The following DSCAM variants were observed in gnomAD, a reference collection of about 807,000 sequenced individuals.
DSCAM encodes cell adhesion molecule DSCAM.
DSCAM carries 47 observed loss-of-function variants against 217.7 expected under a neutral mutation model. The ratio of observed to expected loss-of-function variants is 0.22; its 90% CI spans 0.17 to 0.28. The LOEUF (loss-of-function observed/expected upper bound fraction) is 0.28. DSCAM is among the 10% of genes least tolerant of loss of function. The pLI is 1.00. For synonymous variants in DSCAM, 1,056 were observed against 1,015.3 expected (o/e 1.04, Z -0.76); for missense variants, 2,080 against 2,618.3 (o/e 0.79, Z 4.49).
At chr21:40,138,381 TGTGTGATGTGTG>T (rs1252180415) in intron 18 of DSCAM, among the ~76,000 whole-genome samples, 1 of 150,216 alleles carries the variant, frequency 6.7e-6, no homozygotes, top group African/African-American at 2.5e-5. Flanking sequence ...TTACATGTGT[TGTGTGATGTGTG>T]GTGTGGTGAG....
chr21:40,760,295 C>T (rs2091320197), intron 1 of DSCAM, among the ~76,000 whole-genome samples: 1 of 152,152 alleles, frequency 6.6e-6, no homozygotes, highest in Non-Finnish European at 1.5e-5. Context: ...GGATTAAAGG[C>T]AGGAGCCACT....
At chr21:40,311,937 T>C (rs2074142488) in intron 9 of DSCAM, 144 bp downstream of exon 9, 1 of 224,974 alleles carries the variant, frequency 4.4e-6, no homozygotes. Context: ...AGTCGTATTT[T>C]TTTTTTTTTT....
intron 15 of DSCAM, among the ~76,000 whole-genome samples, chr21:40,175,213 G>A (rs1253767172): frequency 1.3e-5 from 2 of 152,118 alleles, no homozygotes; most frequent in Non-Finnish European, 2.9e-5. Flanking sequence ...GGGTTCAAGC[G>A]ATTCTCCTGT....
At chr21:40,550,092 T>C (rs1276056746) in intron 3 of DSCAM, among the ~76,000 whole-genome samples, 11 of 152,144 alleles carry the variant, frequency 7.2e-5, no homozygotes, top group Non-Finnish European at 2.9e-5. Flanking sequence ...ATGTCCGATA[T>C]CACCCAGCTA....
At chr21:40,617,521 C>A (rs940739599) in intron 3 of DSCAM, among the ~76,000 whole-genome samples, 1 of 152,228 alleles carries the variant, frequency 6.6e-6, no homozygotes, top group Non-Finnish European at 1.5e-5. Context: ...GAGCAGGACA[C>A]TGGAGATCCA....
intron 3 of DSCAM, among the ~76,000 whole-genome samples, chr21:40,456,190 T>C (rs1016194881): frequency 6.6e-6 from 1 of 151,946 alleles, no homozygotes; most frequent in African/African-American, 2.4e-5. Flanking sequence ...ATGAAAATGA[T>C]CACAATGCCC....
At chr21:40,525,009 CAA>C (rs58427418) in intron 3 of DSCAM, among the ~76,000 whole-genome samples, 1,082 of 56,032 alleles carry the variant, frequency 0.019, 8 homozygotes, top group African/African-American at 0.06. Flanking sequence ...GACTCAGTCT[CAA>C]AAAAAAAAAA....
At chr21:40,660,410 T>C (rs946810514) in intron 3 of DSCAM, among the ~76,000 whole-genome samples, 1 of 152,170 alleles carries the variant, frequency 6.6e-6, no homozygotes, top group Non-Finnish European at 1.5e-5. Context: ...AAATTTATAT[T>C]GTAACAACAA....
chr21:40,843,120 G>T (rs965437848), intron 1 of DSCAM, among the ~76,000 whole-genome samples: 8 of 152,088 alleles, frequency 5.3e-5, no homozygotes, highest in Non-Finnish European at 1.2e-4. Flanking sequence ...AAGTCCTTAA[G>T]GTGCATTTGT....
intron 1 of DSCAM, among the ~76,000 whole-genome samples, chr21:40,734,614 G>A (rs2091044702): frequency 6.6e-6 from 1 of 152,142 alleles, no homozygotes; most frequent in Non-Finnish European, 1.5e-5. Flanking sequence ...AAATCCAATT[G>A]TCGGAGAGGT....
chr21:40,594,816 G>A (rs2077009186), intron 3 of DSCAM, among the ~76,000 whole-genome samples: 1 of 152,166 alleles, frequency 6.6e-6, no homozygotes. Flanking sequence ...CTCAGGGGAG[G>A]GGAGGCTGAT....
intron 26 of DSCAM, 47 bp from the exon 27 acceptor site, chr21:40,075,260 T>C (rs767321367): frequency 5.6e-6 from 9 of 1,601,468 alleles, no homozygotes; most frequent in Non-Finnish European, 7.7e-6. Flanking sequence ...GAAGACGGCA[T>C]GGCGGAGCTT....
chr21:40,637,099 C>T (rs1277807945), intron 3 of DSCAM, among the ~76,000 whole-genome samples: 1 of 93,696 alleles, frequency 1.1e-5, no homozygotes, highest in Non-Finnish European at 2.0e-5. Flanking sequence ...GAAGGAGGCC[C>T]TTCTCATTCA....
intron 3 of DSCAM, among the ~76,000 whole-genome samples, chr21:40,597,342 T>C (rs1038685112): frequency 1.5e-4 from 23 of 150,504 alleles, no homozygotes; most frequent in Admixed American, 9.2e-4. Context: ...TGGGAAAATA[T>C]CTTCTTCAAA....
intron 19 of DSCAM, among the ~76,000 whole-genome samples, chr21:40,130,492 T>C (rs2146683312): frequency 6.6e-6 from 1 of 152,330 alleles, no homozygotes; most frequent in African/African-American, 2.4e-5. Flanking sequence ...ATGATATCCA[T>C]GGCCCTGAGA....
intron 3 of DSCAM, among the ~76,000 whole-genome samples, chr21:40,479,890 G>A (rs561751074): frequency 6.6e-6 from 1 of 152,304 alleles, no homozygotes; most frequent in East Asian, 1.9e-4. Context: ...TCAGACATAT[G>A]TGTGTGTACA....
chr21:40,078,693 C>G lies in DSCAM; in HGVS notation c.4705G>C (p.Asp1569His), dbSNP rs774126336. 6.2e-7 allele frequency: 1 copy of G among 1,612,840 alleles called. No individual in the cohort carries two copies. The highest frequency in any genetic ancestry group is 1.7e-5 in the Admixed American group (1 of 59,992). ...ACAAAGCCAGCCAGCTTACTGCCAT[C>G]GTAGTTCAGCGTAGCGAAGTTGGCC... ...KQANFATLNY[D>H]GSTIPPLIKS... Residue 1569 changes from aspartate (D) to histidine (H), a missense_variant, in exon 26 of 33, where the codon GAT becomes CAT. Coordinates refer to ENST00000400454, the MANE Select transcript of DSCAM (RefSeq NM_001389.5).
intron 10 of DSCAM, among the ~76,000 whole-genome samples, chr21:40,281,361 A>T (rs551764617): frequency 6.6e-6 from 1 of 152,330 alleles, no homozygotes; most frequent in South Asian, 2.1e-4. Flanking sequence ...TAATTATTTA[A>T]TAATTTTAAG....
intron 3 of DSCAM, among the ~76,000 whole-genome samples, chr21:40,508,558 G>A (rs1003681763): frequency 1.3e-5 from 2 of 151,218 alleles, no homozygotes; most frequent in African/African-American, 2.4e-5. Context: ...TAGTATTGCT[G>A]TTGTTGTTAT....
Sources: gnomAD v4.1 joint callset for allele counts (sites outside exome capture counted in the v4.1 genomes callset) on GRCh38, gnomAD v4.1.1 for gene constraint, MANE v1.5 for transcripts, NCBI Gene and HGNC (gene_info 2026-07-23, HGNC 2026-07-21) for gene names.